Variants in STRBP observed in about 807,000 individuals in gnomAD.
STRBP encodes the protein spermatid perinuclear RNA-binding protein.
In STRBP, 13 loss-of-function variants were observed where a neutral mutation model predicts 80.1. The ratio of observed to expected loss-of-function variants is 0.16; its 90% CI spans 0.11 to 0.26. STRBP has a LOEUF of 0.26. STRBP is among the 10% of genes least tolerant of loss of function. The pLI, the probability that STRBP is intolerant of heterozygous loss-of-function variation, is 1.00. For synonymous variants in STRBP, 284 were observed against 291.2 expected, an observed-to-expected ratio of 0.98 and a Z score of 0.25; for missense variants, 485 against 815.2, an observed-to-expected ratio of 0.59 and a Z score of 4.93.
At chr9:123,238,528 C>CATTA (rs1309378710) in intron 1 of STRBP, among the ~76,000 whole-genome samples, 2 of 152,218 alleles carry the variant, frequency 1.3e-5, no homozygotes. Flanking sequence ...CTTACAAAAC[C>CATTA]ATTATAGTGA....
intron 2 of STRBP, among the ~76,000 whole-genome samples, chr9:123,218,355 C>CTTTTTTTTTTT: frequency 9.8e-6 from 1 of 102,434 alleles, no homozygotes; most frequent in Non-Finnish European, 1.8e-5. Flanking sequence ...TTAAATATGA[C>CTTTTTTTTTTT]TTTTTTTTTT....
intron 13 of STRBP, among the ~76,000 whole-genome samples, chr9:123,139,961 T>C (rs985701358): frequency 1.3e-5 from 2 of 152,130 alleles, no homozygotes; most frequent in South Asian, 2.1e-4. Flanking sequence ...GTTCATTTAA[T>C]TTGGAGGTGA....
intron 2 of STRBP, among the ~76,000 whole-genome samples, chr9:123,200,925 T>A (rs972708708): frequency 1.3e-5 from 2 of 151,674 alleles, no homozygotes; most frequent in Non-Finnish European, 1.5e-5. Flanking sequence ...TTGTTATTGG[T>A]CTGTTCAAGG....
chr9:123,221,112 T>C (rs911699934), intron 2 of STRBP, among the ~76,000 whole-genome samples: 5 of 152,152 alleles, frequency 3.3e-5, no homozygotes, highest in Admixed American at 2.6e-4. Context: ...GGGTGAAGCG[T>C]TGGGTCTCTC....
chr9:123,198,547 T>C (rs2039192198), intron 2 of STRBP, among the ~76,000 whole-genome samples: 1 of 152,210 alleles, frequency 6.6e-6, no homozygotes, highest in South Asian at 2.1e-4. Flanking sequence ...TCACCTATTG[T>C]GTGGGTTGCC....
intron 2 of STRBP, among the ~76,000 whole-genome samples, chr9:123,206,089 C>T (rs1348115771): frequency 6.6e-6 from 1 of 152,162 alleles, no homozygotes; most frequent in Non-Finnish European, 1.5e-5. Context: ...CAATTGTGAA[C>T]AAACCTCAAT....
intron 2 of STRBP, among the ~76,000 whole-genome samples, chr9:123,185,114 G>A (rs1293427739): frequency 6.6e-6 from 1 of 150,584 alleles, no homozygotes; most frequent in African/African-American, 2.4e-5. Flanking sequence ...AAAAAAACCA[G>A]AACATCAAAA....
chr9:123,198,670 T>C (rs2039197010), intron 2 of STRBP, among the ~76,000 whole-genome samples: 1 of 152,204 alleles, frequency 6.6e-6, no homozygotes, highest in African/African-American at 2.4e-5. Flanking sequence ...ATTCTTTGCC[T>C]AGGCCAATGT....
At chr9:123,212,906 C>G (rs1020837338) in intron 2 of STRBP, among the ~76,000 whole-genome samples, 8 of 152,200 alleles carry the variant, frequency 5.3e-5, no homozygotes, top group African/African-American at 1.9e-4. Context: ...AAAACTCTCA[C>G]AAGATCATGC....
chr9:123,195,075 C>T (rs1167973621), intron 2 of STRBP, among the ~76,000 whole-genome samples: 1 of 152,114 alleles, frequency 6.6e-6, no homozygotes, highest in Non-Finnish European at 1.5e-5. Flanking sequence ...ATCAACACAT[C>T]CACTTGGATG....
At position 123,125,084 on chromosome 9, in the gene STRBP, CAAAGTT is replaced by C. The variant is rs2035843614; in HGVS notation, c.*507_*512del. The C allele has an allele frequency of 1.0e-6, 1 of 985,234 alleles. No individual in the cohort carries two copies. The highest frequency in any genetic ancestry group is 1.2e-6 in the Non-Finnish European group (1 of 829,450). The allele number at this position is 985,234 out of a possible 1,614,324, so 61.0% of individuals were successfully genotyped here. A position where few individuals can be genotyped will look rare whatever the true frequency, so the allele number is the denominator to read the frequency against. On this transcript the variant is annotated 3_prime_UTR_variant, in exon 19 of 19. Transcript: ENST00000348403. ...GCTTTATTACACACTTCAATATTTA[CAAAGTT>C]AAAGTTAAATGAAAAGTCTCTATTG...
At chr9:123,239,407 G>A (rs1564330016) in intron 1 of STRBP, among the ~76,000 whole-genome samples, 1 of 152,056 alleles carries the variant, frequency 6.6e-6, no homozygotes, top group Non-Finnish European at 1.5e-5. Flanking sequence ...TGCCTATCGG[G>A]CTTTCCTCTT....
chr9:123,264,164 C>A (rs997085944), intron 1 of STRBP, among the ~76,000 whole-genome samples: 2 of 152,172 alleles, frequency 1.3e-5, no homozygotes, highest in African/African-American at 4.8e-5. Flanking sequence ...GGCGACAGAG[C>A]GCCACTGCAT....
In STRBP at chr9:123,147,807, T is replaced by C; in HGVS notation, c.1109A>G (p.Asn370Ser). 6.2e-7 allele frequency: 1 copy of C among 1,612,452 alleles called. No homozygotes were observed. The highest frequency in any genetic ancestry group is 8.5e-7 in the Non-Finnish European group (1 of 1,179,218). ...CCTTAAGTTTCGTTTCATCTTCTTG[T>C]TGGGGTCTTTATCATCCCCTAATCC... is the stretch of plus-strand genomic sequence containing the variant. ...EDGLGDDKDPNKKMKRNLRKI... is the reference protein window; with the variant it reads ...EDGLGDDKDPSKKMKRNLRKI... Residue 370 changes from asparagine (N) to serine (S), a missense_variant, in exon 12 of 19, where the codon AAC becomes AGC. Physicochemically the swap from Asn to Ser is conservative, Grantham distance 46. Transcript: ENST00000348403.
At position 123,123,612 on chromosome 9, in the gene STRBP, A is replaced by C; in HGVS notation, c.*1985T>G. 1.0e-6 allele frequency: 1 copy of C among 985,296 alleles called. No individual in the cohort carries two copies. Among genetic ancestry groups the C allele is most frequent in the Non-Finnish European group, 1.2e-6 (1 of 829,904 alleles). 61.0% of individuals were successfully genotyped at this position (985,296 alleles called of 1,614,324 possible). A position where few individuals can be genotyped will look rare whatever the true frequency, so the allele number is the denominator to read the frequency against. On this transcript the variant is annotated 3_prime_UTR_variant, in exon 19 of 19. Transcript: ENST00000348403. ...TGGAAAACAGCACAGCTCCCTTTTC[A>C]CCATTACAGAGCGCGTGAGTTATGA... is the stretch of plus-strand genomic sequence containing the variant.
At chr9:123,213,203 T>C (rs1441775607) in intron 2 of STRBP, among the ~76,000 whole-genome samples, 1 of 152,180 alleles carries the variant, frequency 6.6e-6, no homozygotes, top group Admixed American at 6.5e-5. Flanking sequence ...CCTTCCAACC[T>C]AATCAGCGTA....
intron 1 of STRBP, among the ~76,000 whole-genome samples, chr9:123,240,931 G>A (rs908594201): frequency 3.9e-5 from 6 of 152,200 alleles, no homozygotes; most frequent in Admixed American, 1.3e-4. Flanking sequence ...TGTAATCCCA[G>A]CACTTTGGGA....
chr9:123,126,037 G>A lies in STRBP; in HGVS notation c.1943-364C>T, dbSNP rs951058232. On this transcript the variant is annotated intron_variant, in intron 18 of 18. Coordinates refer to ENST00000348403, the MANE Select transcript of STRBP (RefSeq NM_018387.5). The surrounding 1 kb of genome is among the most constrained non-coding windows in gnomAD (Gnocchi z 4.4). Reference sequence around the variant, plus strand: ...GCATATCACATATTCCAGGAGAAACGGGTTGTCAAGGTTCAAAGCATAGCT... The same window carrying A: ...GCATATCACATATTCCAGGAGAAACAGGTTGTCAAGGTTCAAAGCATAGCT... 3.3e-5 allele frequency among the ~76,000 whole-genome samples: 5 copies of A among 152,186 alleles called. No individual in the cohort carries two copies. Among genetic ancestry groups the A allele is most frequent in the African/African-American group, 4.8e-5 (2 of 41,450 alleles).
intron 2 of STRBP, among the ~76,000 whole-genome samples, chr9:123,215,973 T>A (rs1202582530): frequency 6.6e-6 from 1 of 152,196 alleles, no homozygotes; most frequent in Non-Finnish European, 1.5e-5. Context: ...CCCACTCCTC[T>A]GCTGAAAATT....
Sources: gnomAD v4.1 joint callset for allele counts (sites outside exome capture counted in the v4.1 genomes callset) on GRCh38, gnomAD v4.1.1 for gene constraint, Gnocchi (gnomAD v3.1) non-coding constraint, MANE v1.5 for transcripts, NCBI Gene and HGNC (gene_info 2026-07-23, HGNC 2026-07-21) for gene names.